The following NCKAP5 variants were observed in gnomAD, a reference collection of about 807,000 sequenced individuals.
NCKAP5 encodes the protein nck-associated protein 5.
NCKAP5 carries 92 observed loss-of-function variants against 167.0 expected under a neutral mutation model. The ratio of observed to expected loss-of-function variants is 0.55; its 90% CI spans 0.47 to 0.66. The LOEUF (loss-of-function observed/expected upper bound fraction) is 0.66. Among genes scored for constraint, NCKAP5 ranks in the 30% least tolerant of loss-of-function variants. The pLI, the probability that NCKAP5 is intolerant of heterozygous loss-of-function variation, is 0.00. For synonymous variants in NCKAP5, 891 were observed against 877.4 expected, an observed-to-expected ratio of 1.02 and a Z score of -0.27; for missense variants, 2,378 against 2,315.0, an observed-to-expected ratio of 1.03 and a Z score of -0.56.
chr2:133,550,046 G>A (rs1468146318), intron 2 of NCKAP5, among the ~76,000 whole-genome samples: 11 of 150,954 alleles, frequency 7.3e-5, no homozygotes, highest in Non-Finnish European at 7.4e-5. Flanking sequence ...GACTAAACCA[G>A]GAAGAAGTTG....
chr2:133,433,450 T>C (rs1459693103), intron 3 of NCKAP5: 2 of 152,220 alleles, frequency 1.3e-5, no homozygotes, highest in Non-Finnish European at 2.9e-5. Context: ...CTTTATTCTA[T>C]GTATGAATTC....
intron 6 of NCKAP5, among the ~76,000 whole-genome samples, chr2:133,042,945 C>A (rs1236032207): frequency 1.3e-5 from 2 of 152,092 alleles, no homozygotes; most frequent in African/African-American, 2.4e-5. Context: ...TGAAGAATTT[C>A]ATCTGATAGT....
intron 8 of NCKAP5, among the ~76,000 whole-genome samples, chr2:132,959,289 C>T (rs2076438274): frequency 6.6e-6 from 1 of 151,894 alleles, no homozygotes; most frequent in African/African-American, 2.4e-5. Context: ...TGTTATTCAC[C>T]TTAACACATT....
intron 3 of NCKAP5, among the ~76,000 whole-genome samples, chr2:133,366,669 C>T (rs1043147520): frequency 2.6e-5 from 4 of 152,062 alleles, no homozygotes; most frequent in East Asian, 1.9e-4. Flanking sequence ...TATTCCAATG[C>T]TTAAAACATT....
At chr2:133,548,277 G>A (rs1225476770) in intron 2 of NCKAP5, among the ~76,000 whole-genome samples, 1 of 152,092 alleles carries the variant, frequency 6.6e-6, no homozygotes, top group Non-Finnish European at 1.5e-5. Flanking sequence ...GTGATGGGGA[G>A]AATGGAACCA....
chr2:133,132,159 G>T (rs1325559334), intron 5 of NCKAP5, among the ~76,000 whole-genome samples: 1 of 151,814 alleles, frequency 6.6e-6, no homozygotes, highest in Non-Finnish European at 1.5e-5. Flanking sequence ...GTGTTGGCGG[G>T]TGCCTATAAT....
chr2:133,016,683 A>T (rs1008219748), intron 6 of NCKAP5, among the ~76,000 whole-genome samples: 2 of 152,310 alleles, frequency 1.3e-5, no homozygotes, highest in South Asian at 2.1e-4. Context: ...GTAAGGAAGG[A>T]TTTCATTATG....
At position 132,796,849 on chromosome 2, in the gene NCKAP5, T is replaced by G; in HGVS notation, c.808-120A>C. 4 of 671,544 alleles carry G rather than the reference T, an allele frequency of 6.0e-6. No individual in the cohort carries two copies. In the South Asian group the frequency reaches 8.1e-5, roughly 14 times the overall value. The allele number at this position is 671,544 out of a possible 1,614,324, so 41.6% of individuals were successfully genotyped here. On this transcript the variant is annotated intron_variant, in intron 11 of 19. Coordinates refer to ENST00000409261, the MANE Select transcript of NCKAP5 (RefSeq NM_207363.3). ...TTTCCAGATTAGATAATACATGTCCTAATTAAAAAAAGTTTATTCTAGTTT... is the reference window on the plus strand; with the variant it reads ...TTTCCAGATTAGATAATACATGTCCGAATTAAAAAAAGTTTATTCTAGTTT...
the NCKAP5 span, among the ~76,000 whole-genome samples, chr2:133,625,957 A>T: frequency 5.9e-5 from 9 of 152,226 alleles, no homozygotes; most frequent in South Asian, 1.0e-3. Context: ...AACACTAAAA[A>T]TTTTTTTAAA....
At chr2:133,610,871 G>A in the NCKAP5 span, among the ~76,000 whole-genome samples, 3 of 151,954 alleles carry the variant, frequency 2.0e-5, no homozygotes, top group Admixed American at 6.6e-5. Context: ...TTCTTTAAAA[G>A]TCTCTCCCTT....
At chr2:133,108,165 C>T (rs1435034088) in intron 6 of NCKAP5, among the ~76,000 whole-genome samples, 6 of 152,176 alleles carry the variant, frequency 3.9e-5, no homozygotes, top group Non-Finnish European at 5.9e-5. Flanking sequence ...AGGCAGTGTG[C>T]ATAATTCTCT....
chr2:132,950,365 C>A (rs1042366528), intron 8 of NCKAP5, among the ~76,000 whole-genome samples: 5 of 152,036 alleles, frequency 3.3e-5, no homozygotes, highest in Non-Finnish European at 5.9e-5. Context: ...CATTATTATT[C>A]TTCAATATAT....
intron 8 of NCKAP5, among the ~76,000 whole-genome samples, chr2:132,942,962 A>G (rs1697412960): frequency 6.6e-6 from 1 of 152,256 alleles, no homozygotes. Flanking sequence ...GGAAGTCATT[A>G]AAATGATAGA....
chr2:133,273,971 A>AT (rs2089624556), intron 4 of NCKAP5, among the ~76,000 whole-genome samples: 3 of 137,248 alleles, frequency 2.2e-5, no homozygotes, highest in Non-Finnish European at 4.8e-5. Flanking sequence ...AAGTTTGTCT[A>AT]CCAAAAAAAA....
At chr2:133,436,487 T>A (rs1690488222) in intron 3 of NCKAP5, among the ~76,000 whole-genome samples, 1 of 152,204 alleles carries the variant, frequency 6.6e-6, no homozygotes, top group Non-Finnish European at 1.5e-5. Flanking sequence ...GCCTAAACCC[T>A]TTCAATGACG....
At chr2:133,619,006 G>C in the NCKAP5 span, among the ~76,000 whole-genome samples, 1 of 144,168 alleles carries the variant, frequency 6.9e-6, no homozygotes, top group Admixed American at 7.0e-5. Context: ...TCCTTTGTAG[G>C]GACATGGATG....
Position 133,295,048 on chromosome 2 carries a change from T to C in NCKAP5, c.143+7989A>G, listed in dbSNP as rs545162809. ...ATCAGTAGTTTAGATTCTTGGAAGT[T>C]TGTACTGAGGCTTTGACTTCCCCTC... On this transcript the variant is annotated intron_variant, in intron 4 of 19. Coordinates refer to ENST00000409261, the MANE Select transcript of NCKAP5 (RefSeq NM_207363.3). 3.3e-5 allele frequency among the ~76,000 whole-genome samples: 5 copies of C among 152,252 alleles called. No individual in the cohort carries two copies. The East Asian group carries it at 9.7e-4, about 29-fold the overall frequency.
At chr2:133,615,894 G>C in the NCKAP5 span, among the ~76,000 whole-genome samples, 14,828 of 150,772 alleles carry the variant, frequency 0.098, 931 homozygotes, top group East Asian at 0.23. Flanking sequence ...TGACCACATA[G>C]TTGGAAGTAA....
At chr2:133,382,069 C>T (rs376638954) in intron 3 of NCKAP5, among the ~76,000 whole-genome samples, 1 of 152,292 alleles carries the variant, frequency 6.6e-6, no homozygotes, top group South Asian at 2.1e-4. Flanking sequence ...AACAACAAAC[C>T]TACTCCTCCT....
Sources: allele counts gnomAD v4.1 joint callset (sites outside exome capture counted in the v4.1 genomes callset), GRCh38; gene constraint gnomAD v4.1.1; transcripts MANE v1.5; gene names NCBI Gene and HGNC (gene_info 2026-07-23, HGNC 2026-07-21).